Variants in RAP1GAP2 observed in about 807,000 individuals in gnomAD.
RAP1GAP2 encodes the protein RAP1 GTPase activating protein 2.
In RAP1GAP2, 27 loss-of-function variants were observed where a neutral mutation model predicts 95.0. The observed-to-expected ratio is 0.28, with a 90% confidence interval of 0.21 to 0.39. The LOEUF is 0.39. RAP1GAP2 is among the 10% of genes least tolerant of loss of function. The probability of loss-of-function intolerance (pLI) is 1.00; values close to 1 mark genes in which losing one functional copy is unlikely to be tolerated. For missense variants in RAP1GAP2, 771 were observed against 970.0 expected, an observed-to-expected ratio of 0.79 and a Z score of 2.72; for synonymous variants, 373 against 380.9, an observed-to-expected ratio of 0.98 and a Z score of 0.24.
intron 2 of RAP1GAP2, among the ~76,000 whole-genome samples, chr17:2,821,483 C>T (rs2070303958): frequency 6.6e-6 from 1 of 151,214 alleles, no homozygotes; most frequent in Non-Finnish European, 1.5e-5. Context: ...TCAAGCGATC[C>T]TCCCACCTTA....
In RAP1GAP2 at chr17:2,965,378, A is replaced by T. The variant is rs748730150; in HGVS notation, c.493-162A>T. 1.1e-5 allele frequency: 7 copies of T among 623,810 alleles called. No homozygotes were observed. The highest frequency in any genetic ancestry group is 2.0e-5 in the Non-Finnish European group (7 of 354,222). 38.6% of individuals were successfully genotyped at this position (623,810 alleles called of 1,614,324 possible). ...GCACGGTGCCTGGCGCCTCCTGAGG[A>T]TCCGGCCGTCGGTACCTGTTAATGT... On this transcript the variant is annotated intron_variant, in intron 7 of 24. Transcript: ENST00000254695. The surrounding 1 kb of genome is among the most constrained non-coding windows in gnomAD (Gnocchi z 4.7).
rs548575516 is a variant in RAP1GAP2, at chr17:2,995,799, GGGGCAGAGCCCA to G, written c.1044+344_1044+355del. 3.5e-3 allele frequency among the ~76,000 whole-genome samples: 530 copies of G among 152,238 alleles called. 1 individual carries two copies. Among genetic ancestry groups the G allele is most frequent in the African/African-American group, 0.012 (498 of 41,540 alleles). On this transcript the variant is annotated intron_variant, in intron 13 of 24. Coordinates refer to ENST00000254695, the MANE Select transcript of RAP1GAP2 (RefSeq NM_015085.5). Reference sequence around the variant, plus strand: ...TTCCTTGAGGTTTCTCCGTTTATCAGGGGCAGAGCCCAGGGCAGAGCCTGGGGGCCCTGGTCA... The same window carrying G: ...TTCCTTGAGGTTTCTCCGTTTATCAGGGGCAGAGCCTGGGGGCCCTGGTCA...
chr17:2,984,955 A>ATTTTTTTT, intron 10 of RAP1GAP2, 28 bp from the exon 11 acceptor site: 1 of 1,546,656 alleles, frequency 6.5e-7, no homozygotes, highest in Non-Finnish European at 8.8e-7. Flanking sequence ...ACAAATGTTG[A>ATTTTTTTT]TTTTTTTTTT....
chr17:2,896,970 T>C (rs545859991), intron 2 of RAP1GAP2, among the ~76,000 whole-genome samples: 1 of 152,324 alleles, frequency 6.6e-6, no homozygotes, highest in South Asian at 2.1e-4. Context: ...GTCTGCTCTA[T>C]GCAGGGGACC....
intron 1 of RAP1GAP2, 143 bp from the exon 2 acceptor site, chr17:2,800,372 C>A: frequency 1.6e-6 from 2 of 1,273,758 alleles, no homozygotes; most frequent in Non-Finnish European, 2.2e-6. Flanking sequence ...CCCCTGCTAG[C>A]GGAGAACTGG....
At chr17:2,939,215 G>A (rs1363408271) in intron 3 of RAP1GAP2, among the ~76,000 whole-genome samples, 14 of 151,994 alleles carry the variant, frequency 9.2e-5, no homozygotes, top group Admixed American at 9.2e-4. Flanking sequence ...TCACTCCCCC[G>A]AGTAGCTGGG....
Position 2,904,142 on chromosome 17 carries a change from C to T in RAP1GAP2, c.81-1142C>T, listed in dbSNP as rs924704314. ...TTTGACGGCTCAGCCCGGCCCTCTT[C>T]GGCTTTTAATACGGTTCTCCCAGCC... On this transcript the variant is annotated intron_variant, in intron 2 of 24. Transcript: ENST00000254695. The surrounding 1 kb of genome is among the most constrained non-coding windows in gnomAD (Gnocchi z 4.7). Among the ~76,000 whole-genome samples the T allele has an allele frequency of 2.6e-5, 4 of 152,146 alleles. No individual in the cohort carries two copies. The highest frequency in any genetic ancestry group is 1.9e-4 in the East Asian group (1 of 5,196).
intron 3 of RAP1GAP2, 126 bp downstream of exon 3, chr17:2,905,494 T>A: frequency 1.2e-6 from 1 of 850,968 alleles, no homozygotes; most frequent in Non-Finnish European, 1.8e-6. Context: ...TCCTGACACC[T>A]CGGAGGAGGT....
intron 3 of RAP1GAP2, among the ~76,000 whole-genome samples, chr17:2,926,240 C>G (rs1278038459): frequency 6.6e-6 from 1 of 152,188 alleles, no homozygotes; most frequent in African/African-American, 2.4e-5. Flanking sequence ...GGCCTCCCGG[C>G]CCATCGGTGC....
intron 2 of RAP1GAP2, among the ~76,000 whole-genome samples, chr17:2,841,302 A>AT (rs1165699838): frequency 9.8e-5 from 9 of 92,028 alleles, no homozygotes; most frequent in African/African-American, 4.8e-4. Context: ...AGATATGGGG[A>AT]ATTTTTTTTT....
intron 4 of RAP1GAP2, among the ~76,000 whole-genome samples, chr17:2,959,321 G>C (rs1400312962): frequency 6.6e-6 from 1 of 152,138 alleles, no homozygotes; most frequent in Non-Finnish European, 1.5e-5. Context: ...TGTAGATCGG[G>C]TGCTTTCTAG....
intron 2 of RAP1GAP2, among the ~76,000 whole-genome samples, chr17:2,852,090 C>A (rs151140567): frequency 6.6e-6 from 1 of 152,266 alleles, no homozygotes; most frequent in Non-Finnish European, 1.5e-5. Flanking sequence ...TGCTATAGCG[C>A]GGTGGGAGAG....
rs114688195 is a variant in RAP1GAP2, at chr17:2,870,424, C to G, written c.81-34860C>G. 0.015 allele frequency among the ~76,000 whole-genome samples: 2,227 copies of G among 152,164 alleles called. 43 individuals carry two copies. Among genetic ancestry groups the G allele is most frequent in the African/African-American group, 0.05 (2,073 of 41,514 alleles). On this transcript the variant is annotated intron_variant, in intron 2 of 24. Coordinates refer to ENST00000254695, the MANE Select transcript of RAP1GAP2 (RefSeq NM_015085.5). The surrounding 1 kb of genome is among the most constrained non-coding windows in gnomAD (Gnocchi z 4.4). ...GAGCCACCGTGCCCTGCCTGACAAT[C>G]TGGTTTTTGAAAGAAATGTTTATTA...
intron 19 of RAP1GAP2, among the ~76,000 whole-genome samples, chr17:3,021,302 TAACC>T (rs943830740): frequency 3.2e-4 from 48 of 152,150 alleles, no homozygotes; most frequent in Non-Finnish European, 5.6e-4. Flanking sequence ...TTGTACCCAT[TAACC>T]AACCTCCCTT....
At position 2,963,024 on chromosome 17, in the gene RAP1GAP2, G is replaced by T; in HGVS notation, c.246+310G>T. 1 of 526,572 alleles carries T rather than the reference G, an allele frequency of 1.9e-6. No homozygotes were observed. The highest frequency in any genetic ancestry group is 3.4e-6 in the Non-Finnish European group (1 of 297,288). 32.6% of individuals were successfully genotyped at this position (526,572 alleles called of 1,614,324 possible). A position where few individuals can be genotyped will look rare whatever the true frequency, so the allele number is the denominator to read the frequency against. ...AGTGTGTAAGGGTGTCAGGCTCTGT[G>T]CCCCGGGTTCCAGTGGGCAGTCAGC... On this transcript the variant is annotated intron_variant, in intron 5 of 24. Coordinates refer to ENST00000254695, the MANE Select transcript of RAP1GAP2 (RefSeq NM_015085.5). This position sits in a 1 kb window ranked among gnomAD's most constrained non-coding sequence, Gnocchi z 4.8.
chr17:3,027,034 G>C lies in RAP1GAP2; in HGVS notation c.2071G>C (p.Ala691Pro), dbSNP rs2047143013. Reference sequence around the variant, plus strand: ...CAGCGAGAGCCCCAGCCTGGGGGCAGCTGCCACCCCGATCATCATGAGCCG... The same window carrying C: ...CAGCGAGAGCCCCAGCCTGGGGGCACCTGCCACCCCGATCATCATGAGCCG... ...PSSESPSLGA[A>P]ATPIIMSRSP... The change falls in exon 22 of 25, where the codon GCT becomes CCT. Residue 691 changes from alanine (A) to proline (P), a missense_variant. Transcript: ENST00000254695. The surrounding 1 kb of genome is among the most constrained non-coding windows in gnomAD (Gnocchi z 5.2). 1 of 1,575,504 alleles carries C rather than the reference G, an allele frequency of 6.3e-7. No individual in the cohort carries two copies. The highest frequency in any genetic ancestry group is 1.2e-5 in the South Asian group (1 of 85,394).
At chr17:2,954,306 G>A (rs1051792231) in intron 3 of RAP1GAP2, among the ~76,000 whole-genome samples, 9 of 151,832 alleles carry the variant, frequency 5.9e-5, no homozygotes, top group Admixed American at 2.6e-4. Flanking sequence ...GGGTTTCACC[G>A]TGTTAGCCAG....
At chr17:2,925,825 C>T (rs370341694) in intron 3 of RAP1GAP2, among the ~76,000 whole-genome samples, 17 of 152,036 alleles carry the variant, frequency 1.1e-4, no homozygotes, top group Admixed American at 2.6e-4. Flanking sequence ...GTCCAGTCAG[C>T]GTGGGTCCGG....
chr17:2,878,290 A>T (rs1173087694), intron 2 of RAP1GAP2, among the ~76,000 whole-genome samples: 1 of 152,104 alleles, frequency 6.6e-6, no homozygotes, highest in Non-Finnish European at 1.5e-5. Context: ...GAGGTCATTT[A>T]GGGACACATT....
Sources: gnomAD v4.1 joint callset for allele counts (sites outside exome capture counted in the v4.1 genomes callset) on GRCh38, gnomAD v4.1.1 for gene constraint, Gnocchi (gnomAD v3.1) non-coding constraint, MANE v1.5 for transcripts, NCBI Gene and HGNC (gene_info 2026-07-23, HGNC 2026-07-21) for gene names.